The following EPC1 variants were observed in gnomAD, a reference collection of about 807,000 sequenced individuals.
EPC1 encodes enhancer of polycomb 1, also known as enhancer of polycomb homolog 1.
In EPC1, 12 loss-of-function variants were observed where a neutral mutation model predicts 98.4. The ratio of observed to expected loss-of-function variants is 0.12; its 90% CI spans 0.08 to 0.20. EPC1 has a LOEUF of 0.20. Ranked by LOEUF, EPC1 falls within the 10% of genes least tolerant of loss-of-function variation. The pLI is 1.00. For synonymous variants in EPC1, 357 were observed against 363.9 expected (o/e 0.98, Z 0.21); for missense variants, 729 against 990.5 (o/e 0.74, Z 3.54).
intron 10 of EPC1, among the ~76,000 whole-genome samples, chr10:32,274,315 T>C (rs1435761917): frequency 6.6e-6 from 1 of 152,194 alleles, no homozygotes; most frequent in Non-Finnish European, 1.5e-5. Flanking sequence ...GTTTTCAAAA[T>C]ACTGTCACCT....
intron 1 of EPC1, among the ~76,000 whole-genome samples, chr10:32,372,141 C>T (rs2133124718): frequency 6.6e-6 from 1 of 152,314 alleles, no homozygotes; most frequent in Admixed American, 6.5e-5. Context: ...CCTGGACCAA[C>T]AGCATCTCAT....
intron 1 of EPC1, among the ~76,000 whole-genome samples, chr10:32,344,683 G>A (rs1006387830): frequency 6.6e-6 from 1 of 152,230 alleles, no homozygotes; most frequent in Non-Finnish European, 1.5e-5. Context: ...CTACTGGGGA[G>A]GCTGAGGAAG....
intron 10 of EPC1, among the ~76,000 whole-genome samples, chr10:32,279,887 C>T (rs922191083): frequency 2.2e-4 from 34 of 152,100 alleles, no homozygotes; most frequent in Non-Finnish European, 4.4e-5. Context: ...TCCTTAAGTA[C>T]TAAAACCTAG....
At chr10:32,274,628 T>A (rs899207164) in intron 10 of EPC1, among the ~76,000 whole-genome samples, 26 of 152,156 alleles carry the variant, frequency 1.7e-4, no homozygotes, top group Non-Finnish European at 3.1e-4. Context: ...TTTCTTATTT[T>A]CTGTGTGTGT....
rs1285593153 is a variant in EPC1, at chr10:32,292,559, A to G, written c.752T>C (p.Ile251Thr). Residue 251 changes from isoleucine to threonine, a missense_variant, in exon 5 of 14, where the codon ATA (isoleucine) becomes ACA (threonine). Physicochemically the swap from Ile to Thr is moderately conservative, Grantham distance 89. Around this residue, in one of 6 missense-constraint regions of EPC1, gnomAD observed 39 missense variants for 94.9 expected, o/e 0.41. Coordinates refer to ENST00000319778, the MANE Select transcript of EPC1 (RefSeq NM_001272004.3). ...LSRAVTILEMIKRREKSKREL... is the reference protein window; with the variant it reads ...LSRAVTILEMTKRREKSKREL... ...TCTTTTACTTTTTTCTCTTCTTTTT[A>G]TCATCTCTAGAATAGTAACAGCTCG... The G allele has an allele frequency of 2.5e-6, 4 of 1,607,194 alleles. No individual in the cohort carries two copies. In the South Asian group the frequency reaches 3.3e-5, roughly 13 times the overall value.
intron 10 of EPC1, among the ~76,000 whole-genome samples, chr10:32,277,123 TA>T (rs1345220061): frequency 6.6e-6 from 1 of 152,226 alleles, no homozygotes; most frequent in Non-Finnish European, 1.5e-5. Flanking sequence ...TTCTTGGATT[TA>T]ATATTTACAA....
upstream of EPC1, among the ~76,000 whole-genome samples, chr10:32,349,288 A>G (rs754575939): frequency 6.6e-6 from 1 of 152,240 alleles, no homozygotes; most frequent in Non-Finnish European, 1.5e-5. Context: ...AAATAACAGT[A>G]AACAACAAAA....
At chr10:32,373,283 G>A (rs1372497707) in intron 1 of EPC1, among the ~76,000 whole-genome samples, 1 of 152,174 alleles carries the variant, frequency 6.6e-6, no homozygotes, top group Non-Finnish European at 1.5e-5. Context: ...GATAGAGGTA[G>A]CATTTAGGCT....
chr10:32,293,208 C>T lies in EPC1; in HGVS notation c.460-14G>A. On this transcript the variant is annotated splice_polypyrimidine_tract_variant and intron_variant, in intron 3 of 13. Transcript: ENST00000319778. ...CAGACTGACTGGCTAAATGTAAAAC[C>T]ATTATGTCATTTTCATACAATACAC... is the stretch of plus-strand genomic sequence containing the variant. 3 of 1,586,440 alleles carry T rather than the reference C, an allele frequency of 1.9e-6. No homozygotes were observed. The highest frequency in any genetic ancestry group is 2.6e-6 in the Non-Finnish European group (3 of 1,158,650).
At chr10:32,326,997 CAAAAAA>C (rs139000044) in intron 1 of EPC1, among the ~76,000 whole-genome samples, 4 of 75,448 alleles carry the variant, frequency 5.3e-5, no homozygotes, top group African/African-American at 1.6e-4. Flanking sequence ...AGAGGGTCCT[CAAAAAA>C]AAAAAAAAAA....
intron 1 of EPC1, among the ~76,000 whole-genome samples, chr10:32,333,259 G>A (rs894533878): frequency 2.0e-5 from 3 of 152,320 alleles, no homozygotes; most frequent in African/African-American, 7.2e-5. Context: ...AGAATCGCTT[G>A]AACCTGGGAG....
In EPC1 at chr10:32,268,882, ATTTT is replaced by A. The variant is rs562372711; in HGVS notation, c.*177_*180del. On this transcript the variant is annotated 3_prime_UTR_variant, in exon 14 of 14. Coordinates refer to ENST00000319778, the MANE Select transcript of EPC1 (RefSeq NM_001272004.3). ...CTGTATTCTTAATTTACAGATGTTG[ATTTT>A]TTTCCTATTAACAGTAAGAAAAGAA... is the stretch of plus-strand genomic sequence containing the variant. 1 of 562,482 alleles carries A rather than the reference ATTTT, an allele frequency of 1.8e-6. No homozygotes were observed. Among genetic ancestry groups the A allele is most frequent in the Non-Finnish European group, 3.2e-6 (1 of 315,288 alleles). 34.8% of individuals were successfully genotyped at this position (562,482 alleles called of 1,614,324 possible).
At chr10:32,313,683 T>G (rs895912952) in intron 1 of EPC1, among the ~76,000 whole-genome samples, 5 of 151,996 alleles carry the variant, frequency 3.3e-5, no homozygotes, top group African/African-American at 7.2e-5. Context: ...CTGAGGAGTT[T>G]GAGACCAGCC....
chr10:32,353,009 G>A (rs1280040773), intron 1 of EPC1, among the ~76,000 whole-genome samples: 1 of 152,124 alleles, frequency 6.6e-6, no homozygotes, highest in East Asian at 1.9e-4. Flanking sequence ...TATAAAATTA[G>A]CTGGGCGTGG....
At chr10:32,279,410 T>C (rs1836285918) in intron 10 of EPC1, among the ~76,000 whole-genome samples, 1 of 151,414 alleles carries the variant, frequency 6.6e-6, no homozygotes, top group South Asian at 2.1e-4. Flanking sequence ...AAAGTCAAGG[T>C]CCTGCAAATT....
intron 1 of EPC1, among the ~76,000 whole-genome samples, chr10:32,311,196 C>T (rs1459466276): frequency 1.3e-5 from 2 of 151,800 alleles, no homozygotes; most frequent in Admixed American, 6.6e-5. Flanking sequence ...GCCTGTAGTC[C>T]CAGCTACTAG....
chr10:32,293,582 G>A lies in EPC1; in HGVS notation c.459+10C>T. On this transcript the variant is annotated intron_variant, in intron 3 of 13. Coordinates refer to ENST00000319778, the MANE Select transcript of EPC1 (RefSeq NM_001272004.3). Reference sequence around the variant, plus strand: ...ATGTATATACTTGTTATATACAAATGAAGTTGTACCTGCTGACCACTGCCT... The same window carrying A: ...ATGTATATACTTGTTATATACAAATAAAGTTGTACCTGCTGACCACTGCCT... 2 of 1,610,644 alleles carry A rather than the reference G, an allele frequency of 1.2e-6. No homozygotes were observed. Among genetic ancestry groups the A allele is most frequent in the Non-Finnish European group, 1.7e-6 (2 of 1,178,560 alleles).
intron 10 of EPC1, among the ~76,000 whole-genome samples, chr10:32,275,938 TA>T (rs112016260): frequency 0.16 from 23,103 of 143,994 alleles, 2,000 homozygotes; most frequent in South Asian, 0.33. Context: ...CTCCGTCTCA[TA>T]AAAAAAAAAA....
chr10:32,325,244 A>G (rs1218597525), intron 1 of EPC1, among the ~76,000 whole-genome samples: 1 of 152,242 alleles, frequency 6.6e-6, no homozygotes, highest in African/African-American at 2.4e-5. Context: ...ATTAAAAAAG[A>G]AAAGTGTGTA....
Sources: gnomAD v4.1 joint callset for allele counts (sites outside exome capture counted in the v4.1 genomes callset) on GRCh38, gnomAD v4.1.1 for gene constraint, gnomAD v4.1.1 regional missense constraint, MANE v1.5 for transcripts, NCBI Gene and HGNC (gene_info 2026-07-23, HGNC 2026-07-21) for gene names.